Variants in TLR1 observed in about 807,000 individuals in gnomAD.
The protein encoded by TLR1 is toll-like receptor 1.
In TLR1, 19 loss-of-function variants were observed where a neutral mutation model predicts 20.2. The ratio of observed to expected loss-of-function variants is 0.94; its 90% CI spans 0.66 to 1.38. The LOEUF (loss-of-function observed/expected upper bound fraction) is 1.38. Ranked by LOEUF, TLR1 falls within the 40% of genes most tolerant of loss-of-function variation. The pLI is 0.00. For missense variants in TLR1, 921 were observed against 910.0 expected (o/e 1.01, Z -0.16); for synonymous variants, 320 against 334.5 (o/e 0.96, Z 0.47).
downstream of TLR1, among the ~76,000 whole-genome samples, chr4:38,795,579 A>G (rs569795134): frequency 6.6e-6 from 1 of 152,354 alleles, no homozygotes; most frequent in Non-Finnish European, 1.5e-5. Context: ...ATCTCCAGTC[A>G]TGGAAAACTA....
chr4:38,803,741 A>G (rs539663150), intron 2 of TLR1, among the ~76,000 whole-genome samples: 216 of 152,316 alleles, frequency 1.4e-3, no homozygotes, highest in Middle Eastern at 3.4e-3. Context: ...AGCCTCATCT[A>G]TTTTAGAACC....
In TLR1 at chr4:38,798,195, C is replaced by T. The variant is rs778605966; in HGVS notation, c.637G>A (p.Val213Ile). The T allele has an allele frequency of 2.7e-5, 43 of 1,613,956 alleles. No homozygotes were observed. Among genetic ancestry groups the T allele is most frequent in the Non-Finnish European group, 3.6e-5 (43 of 1,179,976 alleles). The stretch of plus-strand genomic sequence containing the variant: ...ATATTAGATAGTTCCAGATTTGCTA[C>T]AGTCTTGACTGACACATCCAAAATA... ...HFILDVSVKT[V>I]ANLELSNIKC... is the part of the protein sequence containing the mutation. The change falls in exon 4 of 4, where the codon GTA becomes ATA. Residue 213 changes from valine (V) to isoleucine (I), a missense_variant. Val to Ile is a conservative substitution (Grantham distance 29). Coordinates refer to ENST00000308979, the MANE Select transcript of TLR1 (RefSeq NM_003263.4).
intron 2 of TLR1, among the ~76,000 whole-genome samples, chr4:38,802,136 G>T (rs1487669792): frequency 6.6e-6 from 1 of 152,234 alleles, no homozygotes; most frequent in East Asian, 1.9e-4. Flanking sequence ...GGCAGAGGTT[G>T]CAGTGAGCCA....
upstream of TLR1, chr4:38,805,451 G>A (rs942277761): frequency 1.3e-5 from 2 of 152,138 alleles, no homozygotes; most frequent in Non-Finnish European, 2.9e-5. Flanking sequence ...TTTTCACATA[G>A]GGTTTATAAA....
Position 38,796,409 on chromosome 4 carries a change from T to C in TLR1, c.*62A>G. On this transcript the variant is annotated 3_prime_UTR_variant, in exon 4 of 4. Coordinates refer to ENST00000308979, the MANE Select transcript of TLR1 (RefSeq NM_003263.4). The stretch of plus-strand genomic sequence containing the variant: ...TCTATGCTGATGCAAAATAAAGTCA[T>C]TGTTGGAACTTCCAAAAGCAGCAAT... The C allele has an allele frequency of 6.5e-6, 10 of 1,548,382 alleles. No homozygotes were observed. The highest frequency in any genetic ancestry group is 8.8e-6 in the Non-Finnish European group (10 of 1,140,160).
At position 38,798,843 on chromosome 4, in the gene TLR1, A is replaced by C. The variant is rs1424029874; in HGVS notation, c.-12T>G. On this transcript the variant is annotated 5_prime_UTR_variant, in exon 4 of 4. Transcript: ENST00000308979. ...AAGATGCTAGTCATTTTGGAACACT[A>C]GACATTCCTAAAGGTAGAAGCTGTT... 6.4e-7 allele frequency: 1 copy of C among 1,562,722 alleles called. No homozygotes were observed. The highest frequency in any genetic ancestry group is 1.2e-5 in the South Asian group (1 of 83,472).
chr4:38,801,641 C>T (rs962706116), intron 2 of TLR1, among the ~76,000 whole-genome samples: 1 of 152,142 alleles, frequency 6.6e-6, no homozygotes, highest in African/African-American at 2.4e-5. Context: ...CACAGTCAGG[C>T]GTGGTATTCA....
At chr4:38,794,367 A>T (rs1056795759), downstream of TLR1, among the ~76,000 whole-genome samples, 3 of 152,206 alleles carry the variant, frequency 2.0e-5, no homozygotes, top group African/African-American at 7.2e-5. Context: ...AGTTTAAATA[A>T]TGACTTTCCT....
chr4:38,798,704 AG>A lies in TLR1; in HGVS notation c.127del (p.Leu43TyrfsTer8). 1 of 1,613,948 alleles carries A rather than the reference AG, an allele frequency of 6.2e-7. No individual in the cohort carries two copies. The highest frequency in any genetic ancestry group is 1.1e-5 in the South Asian group (1 of 91,042). ...KNGLIHVPKD[L>X]SQKTTILNIS... ...ATTTAAGATTGTTGTTTTCTGGGAT[AG>A]GTCTTTAGGAACGTGGATGAGACCG... On this transcript the variant is annotated frameshift_variant, in exon 4 of 4. Transcript: ENST00000308979. LOFTEE classifies it low-confidence loss of function (END_TRUNC).
downstream of TLR1, among the ~76,000 whole-genome samples, chr4:38,795,486 G>A (rs115625044): frequency 3.9e-5 from 6 of 152,260 alleles, no homozygotes; most frequent in East Asian, 3.9e-4. Context: ...TAGAAGCACC[G>A]TATATCAACT....
In TLR1 at chr4:38,797,561, C is replaced by G. The variant is rs1356247523; in HGVS notation, c.1271G>C (p.Ser424Thr). 1 of 1,613,336 alleles carries G rather than the reference C, an allele frequency of 6.2e-7. No individual in the cohort carries two copies. Among genetic ancestry groups the G allele is most frequent in the East Asian group, 2.2e-5 (1 of 44,880 alleles). The change falls in exon 4 of 4, where the codon AGT becomes ACT. Residue 424 changes from serine to threonine, a missense_variant. Ser to Thr is a moderately conservative substitution (Grantham distance 58, BLOSUM62 1). Transcript: ENST00000308979. ...EKKGDCSWTK[S>T]LLSLNMSSNI... ...TGAAGACATATTTAAACTTAATAAA[C>G]TTTTAGTCCAAGAACAGTCTCCTTT...
chr4:38,803,787 C>A (rs1726838045), intron 2 of TLR1, among the ~76,000 whole-genome samples: 1 of 152,148 alleles, frequency 6.6e-6, no homozygotes, highest in East Asian at 1.9e-4. Flanking sequence ...ATAAGCTGAG[C>A]AGAAAAGGAT....
At chr4:38,794,337 C>T (rs1725889940), downstream of TLR1, among the ~76,000 whole-genome samples, 1 of 152,104 alleles carries the variant, frequency 6.6e-6, no homozygotes, top group Admixed American at 6.6e-5. Flanking sequence ...AATTTGCCTC[C>T]CACTATTATG....
downstream of TLR1, among the ~76,000 whole-genome samples, chr4:38,790,251 A>G (rs1725684160): frequency 6.6e-6 from 1 of 152,186 alleles, no homozygotes; most frequent in Admixed American, 6.5e-5. Flanking sequence ...TTATAGTGGA[A>G]TTCATCATCC....
chr4:38,802,258 C>A (rs1359280017), intron 2 of TLR1, among the ~76,000 whole-genome samples: 2 of 150,006 alleles, frequency 1.3e-5, no homozygotes, highest in Admixed American at 1.3e-4. Flanking sequence ...TTGCAGCCAG[C>A]ATCAGGGAAA....
rs375952631 is a variant in TLR1, at chr4:38,797,358, G to A, written c.1474C>T (p.Leu492Phe). The change falls in exon 4 of 4, where the codon CTT becomes TTT. Residue 492 changes from leucine (L) to phenylalanine (F), a missense_variant. By Grantham distance (22) the Leu-to-Phe change is conservative. Transcript: ENST00000308979. The part of the protein sequence containing the change: ...DLPGCGSFSS[L>F]SVLIIDHNSV... The stretch of plus-strand genomic sequence containing the variant: ...TTGTGATCAATGATCAATACAGAAA[G>A]GCTGCTAAAGCTGCCACATCCAGGA... The A allele has an allele frequency of 1.7e-5, 28 of 1,613,922 alleles. No individual in the cohort carries two copies. Among genetic ancestry groups the A allele is most frequent in the Admixed American group, 5.0e-5 (3 of 59,990 alleles).
chr4:38,805,397 C>T (rs981824378), upstream of TLR1: 3 of 152,112 alleles, frequency 2.0e-5, no homozygotes, highest in African/African-American at 7.2e-5. Context: ...TTTGTAAACC[C>T]TAAGTGAAAA....
chr4:38,797,748 C>T lies in TLR1; in HGVS notation c.1084G>A (p.Asp362Asn). ...TGCCCACAATTTTCAAAAACCGTGT[C>T]TGTTAAGAGATTATTGGAAAAATCC... ...HLDFSNNLLT[D>N]TVFENCGHLT... The change falls in exon 4 of 4, where the codon GAC (aspartate) becomes AAC (asparagine). Residue 362 changes from aspartate to asparagine, a missense_variant. Transcript: ENST00000308979. The T allele has an allele frequency of 6.2e-7, 1 of 1,614,018 alleles. No homozygotes were observed. Among genetic ancestry groups the T allele is most frequent in the Non-Finnish European group, 8.5e-7 (1 of 1,180,000 alleles).
chr4:38,793,167 G>T (rs761544903), downstream of TLR1, among the ~76,000 whole-genome samples: 5 of 152,080 alleles, frequency 3.3e-5, no homozygotes, highest in Non-Finnish European at 7.4e-5. Flanking sequence ...GATGGGTGGG[G>T]TGTGCTCCCT....
Sources: gnomAD v4.1 joint callset for allele counts (sites outside exome capture counted in the v4.1 genomes callset) on GRCh38, gnomAD v4.1.1 for gene constraint, MANE v1.5 for transcripts, NCBI Gene and HGNC (gene_info 2026-07-23, HGNC 2026-07-21) for gene names.